The following SYS1 variants were observed in gnomAD, a reference collection of about 807,000 sequenced individuals.
SYS1 encodes the protein protein SYS1 homolog.
A neutral mutation model predicts 17.8 loss-of-function variants in SYS1; 8 were observed. The observed-to-expected ratio is 0.45, with a 90% CI of 0.26 to 0.81. The LOEUF (loss-of-function observed/expected upper bound fraction) is 0.81, where lower values mean the gene tolerates loss of function less well. Ranked by LOEUF, SYS1 falls within the 40% of genes least tolerant of loss-of-function variation. The pLI is 0.16. For missense variants in SYS1, 161 were observed against 203.9 expected (o/e 0.79, Z 1.28); for synonymous variants, 95 against 90.9 (o/e 1.05, Z -0.26).
In SYS1 at chr20:45,367,363, G is replaced by T; in HGVS notation, c.*248G>T. The T allele has an allele frequency of 5.9e-6, 8 of 1,344,860 alleles. No homozygotes were observed. The South Asian group carries it at 1.2e-4, about 20-fold the overall frequency. 83.3% of individuals were successfully genotyped at this position (1,344,860 alleles called of 1,614,324 possible). ...GGTCAGGAAGGGGACCTCTTTGAGG[G>T]TAATAACAGAATTGGAACCATGCCA... On this transcript the variant is annotated 3_prime_UTR_variant, in exon 4 of 4. Coordinates refer to ENST00000243918, the MANE Select transcript of SYS1 (RefSeq NM_033542.4).
chr20:45,374,255 G>C (rs1380292068), intron 3 of SYS1: 1 of 695,784 alleles, frequency 1.4e-6, no homozygotes, highest in South Asian at 1.5e-5. Flanking sequence ...GGAACTTTCT[G>C]CTCAGAGTAA....
intron 2 of SYS1, chr20:45,365,397 TA>T: frequency 1.5e-6 from 1 of 653,094 alleles, no homozygotes; most frequent in South Asian, 1.5e-5. Context: ...TCCTCCTTTG[TA>T]AAATGAGAAT....
chr20:45,369,720 G>GC (rs1222752501), downstream of SYS1, among the ~76,000 whole-genome samples: 2 of 149,582 alleles, frequency 1.3e-5, no homozygotes, highest in East Asian at 4.0e-4. Context: ...TCCTGCCGCA[G>GC]CCCCCCAAGT....
At chr20:45,365,037 G>A (rs1988364872) in intron 2 of SYS1, among the ~76,000 whole-genome samples, 1 of 152,188 alleles carries the variant, frequency 6.6e-6, no homozygotes, top group Admixed American at 6.5e-5. Flanking sequence ...ATGCCTAGTT[G>A]TAGTCTCGTA....
At chr20:45,365,919 A>G in intron 3 of SYS1, 1 of 554,402 alleles carries the variant, frequency 1.8e-6, no homozygotes, top group South Asian at 2.0e-5. Flanking sequence ...GACAACTTCC[A>G]TCTCAGATAA....
Position 45,367,870 on chromosome 20 carries a change from A to G in SYS1, c.*755A>G. The G allele has an allele frequency of 4.1e-6, 4 of 985,880 alleles. No individual in the cohort carries two copies. The highest frequency in any genetic ancestry group is 4.8e-6 in the Non-Finnish European group (4 of 829,974). 61.1% of individuals were successfully genotyped at this position (985,880 alleles called of 1,614,324 possible). A position where few individuals can be genotyped will look rare whatever the true frequency, so the allele number is the denominator to read the frequency against. ...ATCATAAAGACACTGCCTGTCTTCT[A>G]GGAATGACCAGGCACCCAGCTCCCA... On this transcript the variant is annotated 3_prime_UTR_variant, in exon 4 of 4. Coordinates refer to ENST00000243918, the MANE Select transcript of SYS1 (RefSeq NM_033542.4).
chr20:45,374,147 C>G (rs1810434), downstream of SYS1: 10 of 775,364 alleles, frequency 1.3e-5, no homozygotes, highest in Middle Eastern at 2.3e-4. Flanking sequence ...GGAAAAGCCT[C>G]CCTTTAAGCT....
upstream of SYS1, among the ~76,000 whole-genome samples, chr20:45,362,554 CGG>C (rs1252369676): frequency 1.3e-5 from 2 of 152,040 alleles, no homozygotes; most frequent in Non-Finnish European, 2.9e-5. Flanking sequence ...TTAGCAGAGA[CGG>C]GGTTTCTCCA....
At chr20:45,374,983 G>C in exon 4 of SYS1, 1 of 1,567,376 alleles carries the variant, frequency 6.4e-7, no homozygotes, top group South Asian at 1.2e-5. Flanking sequence ...CCCAGCTCTG[G>C]GCCTGGCTTG....
chr20:45,370,979 C>G (rs1479130472), downstream of SYS1, among the ~76,000 whole-genome samples: 1 of 152,156 alleles, frequency 6.6e-6, no homozygotes, highest in Non-Finnish European at 1.5e-5. Context: ...CTGCCGCTAC[C>G]TGGGCAAGTC....
At chr20:45,364,749 G>A (rs1988354082) in intron 2 of SYS1, among the ~76,000 whole-genome samples, 1 of 152,110 alleles carries the variant, frequency 6.6e-6, no homozygotes. Flanking sequence ...GGGATTACAG[G>A]CGTGAGCCAC....
Position 45,367,146 on chromosome 20 carries a change from T to G in SYS1, c.*31T>G. ...GGCCCTTTGGACATCCTGCTGACAC[T>G]TGGGCCCCTTAACACCTTGGGCTGC... On this transcript the variant is annotated 3_prime_UTR_variant, in exon 4 of 4. Coordinates refer to ENST00000243918, the MANE Select transcript of SYS1 (RefSeq NM_033542.4). 6.2e-7 allele frequency: 1 copy of G among 1,612,034 alleles called. No individual in the cohort carries two copies. Among genetic ancestry groups the G allele is most frequent in the Non-Finnish European group, 8.5e-7 (1 of 1,178,680 alleles).
chr20:45,372,841 C>G (rs1988595332), downstream of SYS1: 1 of 144,698 alleles, frequency 6.9e-6, no homozygotes, highest in South Asian at 2.3e-4. Flanking sequence ...AGTCCCCGCG[C>G]TGTGGCTCCG....
At chr20:45,375,279 T>G in exon 4 of SYS1, 1 of 1,614,106 alleles carries the variant, frequency 6.2e-7, no homozygotes, top group Non-Finnish European at 8.5e-7. Context: ...CGGTGAGTGG[T>G]TGCCTCCCCT....
chr20:45,364,340 G>T (rs980452570), intron 2 of SYS1, among the ~76,000 whole-genome samples: 6 of 151,920 alleles, frequency 3.9e-5, no homozygotes, highest in African/African-American at 1.2e-4. Flanking sequence ...CTACCATGTT[G>T]CCCTCAACAA....
Position 45,375,110 on chromosome 20 carries a change from G to A in SYS1, c.*816G>A, listed in dbSNP as rs768479722. The A allele has an allele frequency of 4.1e-5, 66 of 1,613,910 alleles. No homozygotes were observed. The Admixed American group carries it at 4.2e-4, about 10-fold the overall frequency. ...CGGGTGCAGCGGCGCTTGACCCAAC[G>A]CAGGGTGGAGGATCTGCACATCACC... On this transcript the variant is annotated 3_prime_UTR_variant, in exon 4 of 4. Coordinates refer to the SYS1 transcript ENST00000426004.
chr20:45,365,761 G>A, intron 3 of SYS1, 75 bp downstream of exon 3: 2 of 1,452,434 alleles, frequency 1.4e-6, no homozygotes, highest in South Asian at 2.3e-5. Context: ...TTGAACATGA[G>A]ACAGGCTGGC....
chr20:45,365,797 A>G (rs975248944), intron 3 of SYS1, 111 bp downstream of exon 3: 2 of 1,122,168 alleles, frequency 1.8e-6, no homozygotes, highest in Non-Finnish European at 2.7e-6. Context: ...GTGGTGGAGT[A>G]AAGTGGGTGA....
exon 4 of SYS1, chr20:45,375,778 G>T: frequency 1.8e-6 from 1 of 568,170 alleles, no homozygotes. Context: ...AGTAGTTAAG[G>T]CCCCTAAGAA....
Sources: gnomAD v4.1 joint callset for allele counts (sites outside exome capture counted in the v4.1 genomes callset) on GRCh38, gnomAD v4.1.1 for gene constraint, MANE v1.5 for transcripts, NCBI Gene and HGNC (gene_info 2026-07-23, HGNC 2026-07-21) for gene names.